Variants in TGM6 observed in about 807,000 individuals in gnomAD.
TGM6 encodes protein-glutamine gamma-glutamyltransferase 6.
TGM6 carries 74 observed loss-of-function variants against 77.5 expected under a neutral mutation model. The observed-to-expected ratio is 0.96, with a 90% CI of 0.79 to 1.16. The LOEUF is 1.16. Ranked by LOEUF, TGM6 falls within the 50% of genes most tolerant of loss-of-function variation. The pLI, the probability that TGM6 is intolerant of heterozygous loss-of-function variation, is 0.00. For missense variants in TGM6, 968 were observed against 940.2 expected (o/e 1.03, Z -0.39); for synonymous variants, 383 against 378.9 (o/e 1.01, Z -0.12).
chr20:2,408,655 A>G (rs2084767131), intron 9 of TGM6, among the ~76,000 whole-genome samples: 2 of 152,210 alleles, frequency 1.3e-5, no homozygotes, highest in South Asian at 4.1e-4. Context: ...GAGCTGTATC[A>G]AGAAGGGCCT....
chr20:2,425,637 A>T (rs6048868), intron 10 of TGM6, among the ~76,000 whole-genome samples: 33,894 of 151,902 alleles, frequency 0.22, 3,974 homozygotes, highest in South Asian at 0.3. Flanking sequence ...TCCTTCAATA[A>T]TGTACAATTG....
chr20:2,395,191 C>G lies in TGM6; in HGVS notation c.182-3C>G. ...TCTCCTGATTCCCTCTCCTCTCCTC[C>G]AGGACCCCGGGCTTCTGAGGCCCTC... On this transcript the variant is annotated splice_region_variant and splice_polypyrimidine_tract_variant and intron_variant, in intron 2 of 12. Coordinates refer to ENST00000202625, the MANE Select transcript of TGM6 (RefSeq NM_198994.3). 6.2e-7 allele frequency: 1 copy of G among 1,612,830 alleles called. No homozygotes were observed. The highest frequency in any genetic ancestry group is 8.5e-7 in the Non-Finnish European group (1 of 1,180,002).
intron 1 of TGM6, among the ~76,000 whole-genome samples, chr20:2,381,625 AGAAAATGTGGGTCGGGCACAGT>A (rs1370846294): frequency 2.0e-5 from 3 of 152,238 alleles, no homozygotes; most frequent in Non-Finnish European, 4.4e-5. Context: ...CAGTAGACTC[AGAAAATGTGGGTCGGGCACAGT>A]GGCTCACGCC....
In TGM6 at chr20:2,432,625, T is replaced by C. The variant is rs1210352036; in HGVS notation, c.2103T>C (p.His701=). The C allele has an allele frequency of 6.2e-7, 1 of 1,614,166 alleles. No individual in the cohort carries two copies. The highest frequency in any genetic ancestry group is 8.5e-7 in the Non-Finnish European group (1 of 1,180,026). The change falls in exon 13 of 13, where the codon CAT becomes CAC. Residue 701 remains histidine (H), a synonymous_variant. Coordinates refer to ENST00000202625, the MANE Select transcript of TGM6 (RefSeq NM_198994.3). ...FPDIKGFVIV[H]VATAK ...ACATCAAGGGCTTTGTGATCGTCCA[T>C]GTGGCCACTGCCAAGTGATGGATCA... is the stretch of plus-strand genomic sequence containing the variant.
intron 2 of TGM6, among the ~76,000 whole-genome samples, 183 bp downstream of exon 2, chr20:2,394,808 C>T (rs2084651871): frequency 1.3e-5 from 2 of 152,152 alleles, no homozygotes; most frequent in Non-Finnish European, 2.9e-5. Context: ...TTGGGAGGTG[C>T]TGCCAGCAGA....
intron 9 of TGM6, among the ~76,000 whole-genome samples, chr20:2,406,096 T>C (rs1253822136): frequency 6.6e-6 from 1 of 152,156 alleles, no homozygotes; most frequent in African/African-American, 2.4e-5. Flanking sequence ...TTAGCTCCTA[T>C]CTCCAGGAAC....
At chr20:2,422,998 T>A (rs1362451743) in intron 10 of TGM6, among the ~76,000 whole-genome samples, 1 of 150,106 alleles carries the variant, frequency 6.7e-6, no homozygotes, top group Non-Finnish European at 1.5e-5. Flanking sequence ...TGAGTCATAA[T>A]CTTTTTGCTG....
intron 10 of TGM6, among the ~76,000 whole-genome samples, chr20:2,419,182 TC>T (rs2084839798): frequency 6.6e-6 from 1 of 152,220 alleles, no homozygotes; most frequent in Admixed American, 6.5e-5. Flanking sequence ...TCTGTCTCTG[TC>T]CCTTTGGCTT....
intron 12 of TGM6, among the ~76,000 whole-genome samples, chr20:2,431,951 A>G (rs1421121830): frequency 6.6e-6 from 1 of 152,238 alleles, no homozygotes; most frequent in East Asian, 1.9e-4. Context: ...AGAGGGGGGA[A>G]GTTCAGGGCA....
rs1483327139 is a variant in TGM6 at position 2,399,649 on chromosome 20, G to C, written c.761G>C (p.Ser254Thr). 1 of 1,613,778 alleles carries C rather than the reference G, an allele frequency of 6.2e-7. No individual in the cohort carries two copies. The highest frequency in any genetic ancestry group is 1.1e-5 in the South Asian group (1 of 91,062). ...ACCAGCCCGCTGCACTGGCGCGGCA[G>C]CGTGGCCATTCTGCAGAAGTGGCTC... ...GGTSPLHWRGSVAILQKWLKG... is the reference protein window; with the variant it reads ...GGTSPLHWRGTVAILQKWLKG... The change falls in exon 6 of 13, where the codon AGC (serine) becomes ACC (threonine). Residue 254 changes from serine (S) to threonine (T), a missense_variant. Physicochemically the swap from Ser to Thr is moderately conservative, Grantham distance 58. Transcript: ENST00000202625.
intron 1 of TGM6, among the ~76,000 whole-genome samples, chr20:2,383,895 C>T (rs1347402621): frequency 6.6e-6 from 1 of 152,026 alleles, no homozygotes; most frequent in Non-Finnish European, 1.5e-5. Flanking sequence ...ATCATGAGGT[C>T]AGGAGATCGA....
chr20:2,398,071 C>T (rs763779425), intron 5 of TGM6, 25 bp downstream of exon 5: 13 of 1,614,188 alleles, frequency 8.1e-6, no homozygotes, highest in Non-Finnish European at 1.1e-5. Flanking sequence ...CATCCCTGCA[C>T]ATGTACTTCC....
chr20:2,417,784 A>G lies in TGM6; in HGVS notation c.1678+211A>G, dbSNP rs6137965. Among the ~76,000 whole-genome samples the G allele has an allele frequency of 0.15, 22,925 of 152,202 alleles. 1,922 individuals carry two copies. The highest frequency in any genetic ancestry group is 0.25 in the East Asian group (1,289 of 5,176). On this transcript the variant is annotated intron_variant, in intron 10 of 12. Transcript: ENST00000202625. Reference sequence around the variant, plus strand: ...GGCAAAACACTAATAACAGTAATGCAAGTCCACATGCATCTGGTGGCAATC... The same window carrying G: ...GGCAAAACACTAATAACAGTAATGCGAGTCCACATGCATCTGGTGGCAATC...
At chr20:2,397,798 T>C in intron 4 of TGM6, 120 bp from the exon 5 acceptor site, 2 of 1,533,480 alleles carry the variant, frequency 1.3e-6, no homozygotes, top group East Asian at 2.3e-5. Flanking sequence ...CCCCTGGTGG[T>C]TGGAGGGGGC....
intron 5 of TGM6, 116 bp from the exon 6 acceptor site, chr20:2,399,445 A>C: frequency 2.1e-6 from 3 of 1,433,916 alleles, no homozygotes; most frequent in Non-Finnish European, 2.9e-6. Context: ...ACAGTTAAAA[A>C]GCAAGAGTGA....
intron 10 of TGM6, among the ~76,000 whole-genome samples, chr20:2,423,834 T>G (rs1028529469): frequency 6.6e-6 from 1 of 152,210 alleles, no homozygotes; most frequent in African/African-American, 2.4e-5. Flanking sequence ...TTAAAATTAC[T>G]CATTGATTCA....
intron 3 of TGM6, among the ~76,000 whole-genome samples, 160 bp downstream of exon 3, chr20:2,395,596 G>C (rs2084659749): frequency 6.6e-6 from 1 of 152,234 alleles, no homozygotes; most frequent in Non-Finnish European, 1.5e-5. Context: ...AATGGTCAGA[G>C]AAACCTGGTA....
chr20:2,397,787 GC>G (rs1273691216), intron 4 of TGM6, 130 bp from the exon 5 acceptor site: 1 of 1,443,270 alleles, frequency 6.9e-7, no homozygotes. Flanking sequence ...GCTCTGTGAT[GC>G]CCCTGGTGGT....
chr20:2,381,180 C>A (rs1309704772), intron 1 of TGM6, among the ~76,000 whole-genome samples: 1 of 152,144 alleles, frequency 6.6e-6, no homozygotes, highest in Non-Finnish European at 1.5e-5. Context: ...AGGCCATGGC[C>A]CAGGCTGGCT....
Sources: allele counts gnomAD v4.1 joint callset (sites outside exome capture counted in the v4.1 genomes callset), GRCh38; gene constraint gnomAD v4.1.1; transcripts MANE v1.5; gene names NCBI Gene and HGNC (gene_info 2026-07-23, HGNC 2026-07-21).